Variants in AMOTL1 observed in about 807,000 individuals in gnomAD.
AMOTL1 encodes angiomotin-like protein 1.
Under a neutral mutation model 102.9 loss-of-function variants are expected in AMOTL1, and 45 were observed. The ratio of observed to expected loss-of-function variants is 0.44; its 90% CI spans 0.34 to 0.56. The LOEUF is 0.56. AMOTL1 is among the 20% of genes least tolerant of loss of function. The pLI is 0.01. For synonymous variants in AMOTL1, 481 were observed against 484.7 expected (o/e 0.99, Z 0.10); for missense variants, 1,114 against 1,225.6 (o/e 0.91, Z 1.36).
intron 4 of AMOTL1, among the ~76,000 whole-genome samples, chr11:94,826,122 T>TA (rs1211075546): frequency 1.3e-5 from 2 of 151,948 alleles, no homozygotes; most frequent in African/African-American, 2.4e-5. Flanking sequence ...CCATGTCTAC[T>TA]AAAAAAGAAA....
chr11:94,864,910 A>G, intron 10 of AMOTL1, 50 bp downstream of exon 10: 1 of 1,585,682 alleles, frequency 6.3e-7, no homozygotes, highest in South Asian at 1.2e-5. Context: ...TTCACACTCC[A>G]GGCCTTCCAG....
At chr11:94,745,677 C>T (rs1252853231) in intron 3 of AMOTL1, among the ~76,000 whole-genome samples, 5 of 152,080 alleles carry the variant, frequency 3.3e-5, no homozygotes, top group Non-Finnish European at 7.4e-5. Context: ...TGGGACCTTG[C>T]GTGGATATGG....
intron 6 of AMOTL1, among the ~76,000 whole-genome samples, 171 bp from the exon 7 acceptor site, chr11:94,849,943 A>G (rs1952496514): frequency 6.6e-6 from 1 of 152,134 alleles, no homozygotes; most frequent in Admixed American, 6.5e-5. Context: ...GTTTTTGAGA[A>G]AACCATTACC....
At chr11:94,834,342 C>G (rs951153578) in intron 6 of AMOTL1, among the ~76,000 whole-genome samples, 1 of 152,140 alleles carries the variant, frequency 6.6e-6, no homozygotes, top group African/African-American at 2.4e-5. Flanking sequence ...AATCCCAGCA[C>G]TTTGGGAGGC....
At chr11:94,822,238 G>A (rs981837203) in intron 4 of AMOTL1, among the ~76,000 whole-genome samples, 1 of 152,144 alleles carries the variant, frequency 6.6e-6, no homozygotes, top group East Asian at 1.9e-4. Flanking sequence ...GCTTGAGCCT[G>A]GGAGTTTGAG....
At chr11:94,861,476 G>A (rs150282329) in intron 9 of AMOTL1, among the ~76,000 whole-genome samples, 39 of 152,308 alleles carry the variant, frequency 2.6e-4, no homozygotes, top group Non-Finnish European at 5.1e-4. Flanking sequence ...GTTGCCCTGG[G>A]AGTTTCCTTC....
chr11:94,811,321 C>T (rs559558052), intron 3 of AMOTL1, among the ~76,000 whole-genome samples: 11 of 152,008 alleles, frequency 7.2e-5, no homozygotes, highest in Admixed American at 2.6e-4. Flanking sequence ...GGTGAAACCC[C>T]GTCTCTACTA....
chr11:94,847,399 C>G lies in AMOTL1; in HGVS notation c.1649-2715C>G, dbSNP rs571326375. On this transcript the variant is annotated intron_variant, in intron 6 of 12. Transcript: ENST00000433060. ...AATTTCTTGTTCAGTGGACACTGAA[C>G]TTGGCACATAATAGAGACTCACTCA... Among the ~76,000 whole-genome samples, 7 of 152,298 alleles carry G rather than the reference C, an allele frequency of 4.6e-5. No individual in the cohort carries two copies. The East Asian group carries it at 1.4e-3, about 29-fold the overall frequency.
chr11:94,757,978 C>G (rs1950746802), intron 3 of AMOTL1, among the ~76,000 whole-genome samples: 1 of 152,208 alleles, frequency 6.6e-6, no homozygotes, highest in South Asian at 2.1e-4. Flanking sequence ...AGGAGAATAA[C>G]TTGAACCAGG....
In AMOTL1 at chr11:94,876,221, T is replaced by C. The variant is rs1322871304; in HGVS notation, c.*5426T>C. The C allele has an allele frequency of 5.2e-5, 8 of 152,548 alleles. No homozygotes were observed. The highest frequency in any genetic ancestry group is 1.7e-4 in the African/African-American group (7 of 41,422). 9.4% of individuals were successfully genotyped at this position (152,548 alleles called of 1,614,324 possible). On this transcript the variant is annotated 3_prime_UTR_variant, in exon 13 of 13. Transcript: ENST00000433060. ...CATTGGTTTTATTTGAATCAAGGTG[T>C]TTTTTTGTTTTTTGTTTTTTTTCCT...
At chr11:94,768,336 G>A, upstream of AMOTL1, 1 of 1,377,438 alleles carries the variant, frequency 7.3e-7, no homozygotes, top group Non-Finnish European at 9.4e-7. Context: ...CGGGGAGCGG[G>A]GAGCGCGGAC....
intron 2 of AMOTL1, among the ~76,000 whole-genome samples, chr11:94,730,552 A>G (rs1426082070): frequency 1.3e-5 from 2 of 152,044 alleles, no homozygotes; most frequent in Admixed American, 6.6e-5. Context: ...GCTTGCCTGA[A>G]TCCTGAACAG....
At chr11:94,793,186 A>G (rs1252686826) in intron 1 of AMOTL1, among the ~76,000 whole-genome samples, 3 of 152,220 alleles carry the variant, frequency 2.0e-5, no homozygotes, top group Admixed American at 1.3e-4. Flanking sequence ...AAGTTGTAAT[A>G]TGCTGGCACA....
At chr11:94,775,184 T>C (rs1020906231) in intron 1 of AMOTL1, among the ~76,000 whole-genome samples, 6 of 152,244 alleles carry the variant, frequency 3.9e-5, no homozygotes, top group African/African-American at 1.2e-4. Context: ...CATCAGTATC[T>C]TTTTGGAGCA....
intron 4 of AMOTL1, among the ~76,000 whole-genome samples, chr11:94,825,196 T>G (rs1160669938): frequency 6.6e-6 from 1 of 152,178 alleles, no homozygotes; most frequent in African/African-American, 2.4e-5. Flanking sequence ...TTGAAAGCCA[T>G]CAGGGAATAG....
intron 8 of AMOTL1, among the ~76,000 whole-genome samples, chr11:94,857,593 ATTT>A (rs1952693986): frequency 1.3e-5 from 2 of 152,214 alleles, no homozygotes; most frequent in South Asian, 4.1e-4. Flanking sequence ...GGGAATTTGC[ATTT>A]TTAAGAACTC....
At chr11:94,798,704 G>T (rs1347649364) in intron 2 of AMOTL1, among the ~76,000 whole-genome samples, 5 of 152,138 alleles carry the variant, frequency 3.3e-5, no homozygotes, top group African/African-American at 1.2e-4. Flanking sequence ...GGGACAGGTG[G>T]AGAGAAGGGA....
chr11:94,750,220 A>G (rs1164464781), intron 3 of AMOTL1, among the ~76,000 whole-genome samples: 1 of 152,186 alleles, frequency 6.6e-6, no homozygotes, highest in Non-Finnish European at 1.5e-5. Context: ...GCTTATTTGC[A>G]TGCACAGAGT....
intron 1 of AMOTL1, among the ~76,000 whole-genome samples, chr11:94,720,319 C>T (rs765022391): frequency 2.6e-5 from 4 of 152,076 alleles, no homozygotes; most frequent in Non-Finnish European, 5.9e-5. Flanking sequence ...ATGAGAGGTA[C>T]AGGAATCGCA....
Sources: gnomAD v4.1 joint callset for allele counts (sites outside exome capture counted in the v4.1 genomes callset) on GRCh38, gnomAD v4.1.1 for gene constraint, MANE v1.5 for transcripts, NCBI Gene and HGNC (gene_info 2026-07-23, HGNC 2026-07-21) for gene names.